Variants in SOX5 observed in about 807,000 individuals in gnomAD.
SOX5 encodes transcription factor SOX-5.
A neutral mutation model predicts 92.0 loss-of-function variants in SOX5; 9 were observed. The observed-to-expected ratio is 0.10, with a 90% CI of 0.06 to 0.17. The LOEUF is 0.17. Among genes scored for constraint, SOX5 ranks in the 10% least tolerant of loss-of-function variants. SOX5 has a pLI of 1.00. For synonymous variants in SOX5, 344 were observed against 336.3 expected (o/e 1.02, Z -0.25); for missense variants, 642 against 944.5 (o/e 0.68, Z 4.20).
chr12:24,344,746 G>A (rs1407590307), intron 2 of SOX5, among the ~76,000 whole-genome samples: 1 of 152,092 alleles, frequency 6.6e-6, no homozygotes, highest in Non-Finnish European at 1.5e-5. Context: ...TTTTGACAAA[G>A]GTCAAAAAAG....
At chr12:23,610,840 CA>C (rs1467685375) in intron 8 of SOX5, among the ~76,000 whole-genome samples, 2 of 151,892 alleles carry the variant, frequency 1.3e-5, no homozygotes, top group African/African-American at 4.8e-5. Flanking sequence ...AAATAAATAC[CA>C]AAAATGGGTG....
chr12:24,345,186 T>A (rs1278287289), intron 2 of SOX5, among the ~76,000 whole-genome samples: 2 of 152,166 alleles, frequency 1.3e-5, no homozygotes, highest in East Asian at 3.8e-4. Context: ...AAAACAAAAT[T>A]AAATAAATTC....
intron 6 of SOX5, among the ~76,000 whole-genome samples, chr12:23,702,344 T>C (rs894290071): frequency 6.6e-6 from 1 of 152,018 alleles, no homozygotes; most frequent in East Asian, 1.9e-4. Context: ...GTCTCCAAAT[T>C]TCCCCCAAAA....
rs77271483 is a variant in SOX5, at chr12:24,314,698, G to A, written c.-173-37386C>T. On this transcript the variant is annotated intron_variant, in intron 2 of 4. Coordinates refer to the SOX5 transcript ENST00000446891. The stretch of plus-strand genomic sequence containing the variant: ...GCCTCCAATTACCTTCTGACCATAT[G>A]TCCTTCTATTCACTCCTTCATGCAT... Among the ~76,000 whole-genome samples, 1,335 of 152,230 alleles carry A rather than the reference G, an allele frequency of 8.8e-3. 9 individuals carry two copies. The highest frequency in any genetic ancestry group is 0.015 in the Non-Finnish European group (993 of 68,016).
At chr12:23,704,017 C>A (rs10842215) in intron 6 of SOX5, among the ~76,000 whole-genome samples, 4 of 151,790 alleles carry the variant, frequency 2.6e-5, no homozygotes, top group African/African-American at 9.7e-5. Flanking sequence ...TAATATAATA[C>A]GATTTCTAAA....
rs543912689 is a variant in SOX5 at position 24,068,147 on chromosome 12, A to C, written c.-2+145196T>G. 1.2e-4 allele frequency among the ~76,000 whole-genome samples: 18 copies of C among 152,334 alleles called. No homozygotes were observed. In the South Asian group the frequency reaches 3.7e-3, roughly 32 times the overall value. ...GCGACAGAGGGAGACTCCGTCTCAA[A>C]CAAAACAAAACAAAAAAAACTTAAA... On this transcript the variant is annotated intron_variant, in intron 4 of 4. Coordinates refer to the SOX5 transcript ENST00000446891.
chr12:24,387,758 A>G (rs1958578496), intron 1 of SOX5, among the ~76,000 whole-genome samples: 1 of 152,158 alleles, frequency 6.6e-6, no homozygotes, highest in Non-Finnish European at 1.5e-5. Flanking sequence ...GGCAAATTTT[A>G]TTTCTCCAAA....
At position 24,022,086 on chromosome 12, in the gene SOX5, G is replaced by T. The variant is rs572068796; in HGVS notation, c.-1-126062C>A. ...CTATCTAATAGCAGACAACATTCTT[G>T]CTGACATGGTCTTTACAGTTCAGTC... On this transcript the variant is annotated intron_variant, in intron 4 of 4. Coordinates refer to the SOX5 transcript ENST00000446891. Among the ~76,000 whole-genome samples the T allele has an allele frequency of 2.6e-5, 4 of 152,270 alleles. No homozygotes were observed. The South Asian group carries it at 8.3e-4, about 32-fold the overall frequency.
At chr12:23,590,937 G>C (rs776995593) in intron 9 of SOX5, among the ~76,000 whole-genome samples, 10 of 151,978 alleles carry the variant, frequency 6.6e-5, no homozygotes, top group Non-Finnish European at 1.2e-4. Flanking sequence ...TTACCCAGTA[G>C]AAGATAACTC....
intron 1 of SOX5, among the ~76,000 whole-genome samples, chr12:24,523,438 G>A (rs1236562587): frequency 6.6e-6 from 1 of 152,088 alleles, no homozygotes; most frequent in African/African-American, 2.4e-5. Context: ...CAAATCAATT[G>A]TGAGAAAAAA....
intron 2 of SOX5, among the ~76,000 whole-genome samples, chr12:24,325,321 T>C (rs1950576221): frequency 6.6e-6 from 1 of 152,172 alleles, no homozygotes; most frequent in Non-Finnish European, 1.5e-5. Context: ...AGTGCAATCT[T>C]TTATAGTTTA....
At chr12:23,829,324 C>A (rs2096279005) in intron 3 of SOX5, among the ~76,000 whole-genome samples, 1 of 152,096 alleles carries the variant, frequency 6.6e-6, no homozygotes, top group Admixed American at 6.6e-5. Flanking sequence ...ACAAAATCCT[C>A]CAGCTAGTCT....
chr12:24,345,230 T>C (rs1239175951), intron 2 of SOX5, among the ~76,000 whole-genome samples: 1 of 152,216 alleles, frequency 6.6e-6, no homozygotes, highest in African/African-American at 2.4e-5. Context: ...TAGAATGAAT[T>C]CAGCTATACT....
intron 3 of SOX5, among the ~76,000 whole-genome samples, chr12:24,222,471 C>T (rs1178776548): frequency 2.0e-5 from 3 of 151,920 alleles, no homozygotes; most frequent in East Asian, 1.9e-4. Context: ...ATGCTTAAAA[C>T]GAGCAAATAG....
chr12:23,832,738 A>G (rs2096348573), intron 3 of SOX5, among the ~76,000 whole-genome samples: 1 of 151,782 alleles, frequency 6.6e-6, no homozygotes, highest in South Asian at 2.1e-4. Flanking sequence ...AGCAAATTAA[A>G]GGCAAGTAAA....
At chr12:24,388,958 TTTTA>T (rs1053680282) in intron 1 of SOX5, among the ~76,000 whole-genome samples, 5 of 151,722 alleles carry the variant, frequency 3.3e-5, no homozygotes, top group East Asian at 1.9e-4. Context: ...ATTATTTTTA[TTTTA>T]TTTATTATTA....
chr12:24,240,621 A>G (rs1965383829), intron 3 of SOX5, among the ~76,000 whole-genome samples: 1 of 152,196 alleles, frequency 6.6e-6, no homozygotes. Flanking sequence ...ATCAGTAAGA[A>G]AGAAATAAAA....
At position 23,921,382 on chromosome 12, in the gene SOX5, TA is replaced by T. The variant is rs549366167; in HGVS notation, c.39-25359del. Among the ~76,000 whole-genome samples the T allele has an allele frequency of 6.6e-3, 931 of 141,764 alleles. 2 individuals are homozygous for T. The highest frequency in any genetic ancestry group is 0.01 in the African/African-American group (405 of 38,694). 93.0% of individuals were successfully genotyped at this position (141,764 alleles called of 152,430 possible). On this transcript the variant is annotated intron_variant, in intron 1 of 14. Transcript: ENST00000451604. ...AAGACCTCAAAGTTGATATGATCTT[TA>T]AAAAAAAAAAAAAGTCAAAAATCCA...
intron 4 of SOX5, among the ~76,000 whole-genome samples, chr12:24,026,666 T>TAA (rs58294728): frequency 6.4e-4 from 89 of 139,972 alleles, no homozygotes; most frequent in African/African-American, 1.8e-3. Context: ...GTCTATTAGA[T>TAA]AAAAAAAAAA....
Sources: allele counts gnomAD v4.1 joint callset (sites outside exome capture counted in the v4.1 genomes callset), GRCh38; gene constraint gnomAD v4.1.1; transcripts MANE v1.5; gene names NCBI Gene and HGNC (gene_info 2026-07-23, HGNC 2026-07-21).